Variants in PTPRG observed in about 807,000 individuals in gnomAD.
PTPRG encodes protein tyrosine phosphatase receptor type G.
Under a neutral mutation model 165.3 loss-of-function variants are expected in PTPRG, and 102 were observed. The ratio of observed to expected loss-of-function variants is 0.62; its 90% CI spans 0.53 to 0.73. PTPRG has a LOEUF of 0.73. Among genes scored for constraint, PTPRG ranks in the 30% least tolerant of loss-of-function variants. The pLI is 0.00. For synonymous variants in PTPRG, 675 were observed against 669.5 expected, an observed-to-expected ratio of 1.01 and a Z score of -0.13; for missense variants, 1,866 against 1,861.4, an observed-to-expected ratio of 1.00 and a Z score of -0.05.
chr3:62,277,468 T>A (rs1303675565), intron 25 of PTPRG, 83 bp from the exon 26 acceptor site: 16 of 1,461,142 alleles, frequency 1.1e-5, no homozygotes, highest in Non-Finnish European at 1.5e-5. Context: ...CAGTGCTATC[T>A]TATTTCATGA....
intron 2 of PTPRG, among the ~76,000 whole-genome samples, chr3:61,781,573 A>C (rs950909002): frequency 1.3e-5 from 2 of 152,160 alleles, no homozygotes; most frequent in African/African-American, 4.8e-5. Flanking sequence ...ATGAGGCAAA[A>C]TCACAGGCAA....
intron 1 of PTPRG, among the ~76,000 whole-genome samples, chr3:61,695,165 C>T (rs1232245663): frequency 6.6e-6 from 1 of 152,082 alleles, no homozygotes; most frequent in African/African-American, 2.4e-5. Flanking sequence ...CGCCTGCTAC[C>T]ACGCCCAGTT....
intron 1 of PTPRG, among the ~76,000 whole-genome samples, chr3:61,618,733 A>C (rs1273717502): frequency 6.6e-6 from 1 of 152,220 alleles, no homozygotes; most frequent in Admixed American, 6.5e-5. Context: ...ATTTTGGCTC[A>C]TAAAGCTGAA....
At chr3:62,184,166 G>A (rs1237651857) in intron 8 of PTPRG, among the ~76,000 whole-genome samples, 1 of 152,194 alleles carries the variant, frequency 6.6e-6, no homozygotes, top group Non-Finnish European at 1.5e-5. Flanking sequence ...TGTGTGCGGG[G>A]GATGATCCGA....
At chr3:61,744,266 A>G (rs2033111633) in intron 1 of PTPRG, among the ~76,000 whole-genome samples, 2 of 152,248 alleles carry the variant, frequency 1.3e-5, no homozygotes, top group Non-Finnish European at 2.9e-5. Context: ...GCATTTGAGG[A>G]GAGGACTTAA....
intron 1 of PTPRG, among the ~76,000 whole-genome samples, chr3:61,562,859 C>T (rs1258416992): frequency 1.3e-5 from 2 of 151,980 alleles, no homozygotes; most frequent in African/African-American, 4.8e-5. Context: ...TTTGGGAGGG[C>T]TAGGTTTCGG....
At chr3:61,785,893 A>G (rs2107103915) in intron 2 of PTPRG, among the ~76,000 whole-genome samples, 1 of 152,268 alleles carries the variant, frequency 6.6e-6, no homozygotes, top group Non-Finnish European at 1.5e-5. Context: ...AGCTTAGGGA[A>G]GTAGGGCCAC....
intron 10 of PTPRG, among the ~76,000 whole-genome samples, chr3:62,200,325 C>T (rs191319596): frequency 1.2e-3 from 176 of 152,108 alleles, no homozygotes; most frequent in African/African-American, 4.0e-3. Context: ...GGCTGGAATG[C>T]AATGATGCAA....
rs552188808 is a variant in PTPRG, at chr3:62,283,094, C to T, written c.4055+225C>T. Among the ~76,000 whole-genome samples the T allele has an allele frequency of 3.3e-5, 5 of 152,060 alleles. No homozygotes were observed. In the East Asian group the frequency reaches 9.7e-4, roughly 29 times the overall value. ...TCCAGGTTCTTCTAGAGTATATGTTCTAGAAAGGGGAAAGTATTATATCTT... is the reference window on the plus strand; with the variant it reads ...TCCAGGTTCTTCTAGAGTATATGTTTTAGAAAGGGGAAAGTATTATATCTT... On this transcript the variant is annotated intron_variant, in intron 28 of 29. Transcript: ENST00000474889.
At chr3:61,940,369 C>A (rs935635997) in intron 2 of PTPRG, among the ~76,000 whole-genome samples, 7 of 152,280 alleles carry the variant, frequency 4.6e-5, no homozygotes, top group Non-Finnish European at 1.0e-4. Flanking sequence ...GGTGAGATAG[C>A]ACTGCTGGCA....
At position 62,260,817 on chromosome 3, in the gene PTPRG, T is replaced by A. The variant is rs111303531; in HGVS notation, c.2560-1981T>A. ...CAAGGAATTACAGATGACATTATTA[T>A]CTACATGACAAAATCAGAAGGCCTC... On this transcript the variant is annotated intron_variant, in intron 16 of 29. Coordinates refer to ENST00000474889, the MANE Select transcript of PTPRG (RefSeq NM_002841.4). The A allele has an allele frequency of 2.8e-3, 421 of 152,270 alleles. 2 individuals carry two copies. The highest frequency in any genetic ancestry group is 9.8e-3 in the African/African-American group (408 of 41,564). The allele number at this position is 152,270 out of a possible 1,614,324, so 9.4% of individuals were successfully genotyped here.
chr3:61,867,515 A>G (rs1483907624), intron 2 of PTPRG, among the ~76,000 whole-genome samples: 4 of 152,010 alleles, frequency 2.6e-5, no homozygotes, highest in Admixed American at 6.6e-5. Context: ...TGAGGCATGC[A>G]TTAAGCCCTT....
chr3:61,709,048 T>C (rs918486272), intron 1 of PTPRG, among the ~76,000 whole-genome samples: 4 of 152,256 alleles, frequency 2.6e-5, no homozygotes, highest in East Asian at 3.9e-4. Flanking sequence ...TTCAGCACTA[T>C]GCATGTCTAT....
chr3:61,930,451 A>G (rs2039330377), intron 2 of PTPRG, among the ~76,000 whole-genome samples: 1 of 152,202 alleles, frequency 6.6e-6, no homozygotes, highest in Admixed American at 6.5e-5. Flanking sequence ...GGCTCCCAGC[A>G]CACAGATTAT....
intron 2 of PTPRG, among the ~76,000 whole-genome samples, chr3:61,817,828 T>C (rs2035834233): frequency 6.6e-6 from 1 of 152,150 alleles, no homozygotes; most frequent in Non-Finnish European, 1.5e-5. Context: ...GAGCAAGATG[T>C]GGTGATTTTG....
intron 2 of PTPRG, among the ~76,000 whole-genome samples, chr3:61,784,501 G>C (rs1369114555): frequency 6.6e-6 from 1 of 152,092 alleles, no homozygotes; most frequent in Non-Finnish European, 1.5e-5. Flanking sequence ...GAATGAGTAC[G>C]GACTGTGGTT....
intron 2 of PTPRG, among the ~76,000 whole-genome samples, chr3:61,819,036 G>A (rs2035878588): frequency 6.6e-6 from 1 of 152,056 alleles, no homozygotes; most frequent in South Asian, 2.1e-4. Context: ...AATCCTTTGA[G>A]CATCCCAGCA....
At chr3:62,216,929 C>T (rs767558094) in intron 12 of PTPRG, among the ~76,000 whole-genome samples, 3 of 152,204 alleles carry the variant, frequency 2.0e-5, no homozygotes, top group East Asian at 1.9e-4. Flanking sequence ...CACTTGCCTT[C>T]GTTGGGGAGC....
intron 1 of PTPRG, among the ~76,000 whole-genome samples, chr3:61,574,166 A>G (rs1642087583): frequency 6.6e-6 from 1 of 152,176 alleles, no homozygotes; most frequent in Admixed American, 6.5e-5. Flanking sequence ...TTCCAGAAAC[A>G]GTGAATGAGG....
Sources: allele counts gnomAD v4.1 joint callset (sites outside exome capture counted in the v4.1 genomes callset), GRCh38; gene constraint gnomAD v4.1.1; transcripts MANE v1.5; gene names NCBI Gene and HGNC (gene_info 2026-07-23, HGNC 2026-07-21).